The following GNAQ variants were observed in gnomAD, a reference collection of about 807,000 sequenced individuals.
The protein encoded by GNAQ is G protein subunit alpha q, also known as guanine nucleotide-binding protein G(q) subunit alpha.
In GNAQ, 8 loss-of-function variants were observed where a neutral mutation model predicts 43.9. The ratio of observed to expected loss-of-function variants is 0.18; its 90% CI spans 0.11 to 0.33. GNAQ has a LOEUF of 0.33. GNAQ is among the 10% of genes least tolerant of loss of function. The probability of loss-of-function intolerance (pLI) is 1.00; values close to 1 mark genes in which losing one functional copy is unlikely to be tolerated. For synonymous variants in GNAQ, 155 were observed against 170.7 expected (o/e 0.91, Z 0.71); for missense variants, 158 against 450.8 (o/e 0.35, Z 5.88).
At chr9:78,019,065 A>C (rs774950598) in intron 1 of GNAQ, among the ~76,000 whole-genome samples, 5 of 152,244 alleles carry the variant, frequency 3.3e-5, no homozygotes, top group Admixed American at 1.3e-4. Context: ...TTTCATGAAA[A>C]TATACTTTGA....
At chr9:78,015,428 A>G (rs1022592837) in intron 1 of GNAQ, among the ~76,000 whole-genome samples, 3 of 152,236 alleles carry the variant, frequency 2.0e-5, no homozygotes, top group Non-Finnish European at 4.4e-5. Context: ...TTTCTGGAAT[A>G]GGAGAAATTG....
chr9:77,767,186 G>A (rs1220831482), intron 5 of GNAQ, among the ~76,000 whole-genome samples: 2 of 152,084 alleles, frequency 1.3e-5, no homozygotes, highest in Non-Finnish European at 2.9e-5. Context: ...GGCCCTCTAG[G>A]TTCCCCCAAA....
chr9:77,960,418 T>C (rs544560250), intron 1 of GNAQ, among the ~76,000 whole-genome samples: 33 of 152,214 alleles, frequency 2.2e-4, no homozygotes, highest in Admixed American at 2.0e-4. Context: ...ATATTTTCAG[T>C]GGACTGTGGT....
intron 2 of GNAQ, among the ~76,000 whole-genome samples, chr9:77,871,130 T>A (rs1190636575): frequency 1.3e-5 from 2 of 152,226 alleles, no homozygotes; most frequent in Non-Finnish European, 2.9e-5. Context: ...AAAGTTAATT[T>A]AACATTTTTA....
At chr9:77,724,077 T>A (rs192572579) in intron 6 of GNAQ, among the ~76,000 whole-genome samples, 82 of 152,290 alleles carry the variant, frequency 5.4e-4, no homozygotes, top group African/African-American at 1.8e-3. Flanking sequence ...GTAAATAACA[T>A]CAAAACACCA....
chr9:77,738,247 T>C (rs1383109408), intron 5 of GNAQ, among the ~76,000 whole-genome samples: 1 of 152,188 alleles, frequency 6.6e-6, no homozygotes, highest in Non-Finnish European at 1.5e-5. Flanking sequence ...AATTCAATAG[T>C]GCTCCACTCC....
At chr9:77,943,440 A>C (rs1417711747) in intron 1 of GNAQ, among the ~76,000 whole-genome samples, 2 of 152,190 alleles carry the variant, frequency 1.3e-5, no homozygotes, top group East Asian at 3.8e-4. Context: ...TCTGCGATTA[A>C]AATGTTTGAC....
chr9:77,880,132 T>G (rs1366573455), intron 2 of GNAQ, among the ~76,000 whole-genome samples: 1 of 152,192 alleles, frequency 6.6e-6, no homozygotes, highest in Non-Finnish European at 1.5e-5. Context: ...GGAAGCTTGA[T>G]GGCAATACCG....
At chr9:77,909,166 C>G (rs1202640168) in intron 2 of GNAQ, among the ~76,000 whole-genome samples, 1 of 152,156 alleles carries the variant, frequency 6.6e-6, no homozygotes, top group Non-Finnish European at 1.5e-5. Context: ...ACGCCACCCA[C>G]AAAGCATATG....
At chr9:78,030,234 C>A (rs10870011) in intron 1 of GNAQ, among the ~76,000 whole-genome samples, 1 of 152,010 alleles carries the variant, frequency 6.6e-6, no homozygotes, top group African/African-American at 2.4e-5. Context: ...CTATTGTGAA[C>A]TGAGGCCTAC....
chr9:77,833,766 T>G (rs976236763), intron 2 of GNAQ, among the ~76,000 whole-genome samples: 1 of 152,174 alleles, frequency 6.6e-6, no homozygotes, highest in Non-Finnish European at 1.5e-5. Context: ...CTTTTTTTAT[T>G]CTTATACTTG....
At chr9:77,805,177 C>T (rs948875399) in intron 3 of GNAQ, among the ~76,000 whole-genome samples, 1 of 152,138 alleles carries the variant, frequency 6.6e-6, no homozygotes, top group Non-Finnish European at 1.5e-5. Context: ...ACTCTAGTCC[C>T]TTCCTCATCT....
At chr9:77,760,688 C>T (rs914895064) in intron 5 of GNAQ, among the ~76,000 whole-genome samples, 3 of 151,544 alleles carry the variant, frequency 2.0e-5, no homozygotes, top group Admixed American at 6.6e-5. Context: ...ATGTTAGGAG[C>T]CCCTCTGCCT....
At chr9:77,996,329 C>T (rs1162096707) in intron 1 of GNAQ, among the ~76,000 whole-genome samples, 1 of 152,176 alleles carries the variant, frequency 6.6e-6, no homozygotes, top group African/African-American at 2.4e-5. Flanking sequence ...GTTTTCACTA[C>T]AAACTTGATG....
intron 1 of GNAQ, among the ~76,000 whole-genome samples, chr9:77,960,232 A>G (rs1158678669): frequency 6.6e-6 from 1 of 151,938 alleles, no homozygotes; most frequent in African/African-American, 2.4e-5. Context: ...CTTCTCTTCC[A>G]GCCACCTCAG....
intron 1 of GNAQ, among the ~76,000 whole-genome samples, chr9:78,023,808 AG>A (rs150212439): frequency 1.4e-3 from 212 of 152,268 alleles, no homozygotes; most frequent in African/African-American, 4.9e-3. Context: ...GCTATCTCCT[AG>A]AAATATATGT....
chr9:77,884,587 T>A (rs976943791), intron 2 of GNAQ, among the ~76,000 whole-genome samples: 4 of 152,198 alleles, frequency 2.6e-5, no homozygotes, highest in African/African-American at 9.6e-5. Context: ...GAATAAGTTC[T>A]CCACCCCACC....
At chr9:77,748,023 G>C (rs973972538) in intron 5 of GNAQ, among the ~76,000 whole-genome samples, 4 of 152,176 alleles carry the variant, frequency 2.6e-5, no homozygotes, top group African/African-American at 7.2e-5. Flanking sequence ...GGCATAGAGA[G>C]GGGTGGTCAG....
intron 1 of GNAQ, among the ~76,000 whole-genome samples, chr9:78,000,297 C>T (rs1424575351): frequency 2.6e-5 from 4 of 152,110 alleles, no homozygotes; most frequent in Non-Finnish European, 5.9e-5. Context: ...CACATCAGTC[C>T]TCTGGTAAGT....
Sources: allele counts gnomAD v4.1 joint callset (sites outside exome capture counted in the v4.1 genomes callset), GRCh38; gene constraint gnomAD v4.1.1; transcripts MANE v1.5; gene names NCBI Gene and HGNC (gene_info 2026-07-23, HGNC 2026-07-21).